ARHGEF10: variants seen among roughly 807,000 people sequenced by gnomAD.
ARHGEF10 encodes Rho guanine nucleotide exchange factor 10.
A neutral mutation model predicts 147.4 loss-of-function variants in ARHGEF10; 140 were observed. That is an observed-to-expected ratio of 0.95 (90% CI 0.83 to 1.09). ARHGEF10 has a LOEUF of 1.09. Ranked by LOEUF, ARHGEF10 falls within the 50% of genes least tolerant of loss-of-function variation. The pLI, the probability that ARHGEF10 is intolerant of heterozygous loss-of-function variation, is 0.00. For missense variants in ARHGEF10, 2,222 were observed against 1,752.7 expected, an observed-to-expected ratio of 1.27 and a Z score of -4.78; for synonymous variants, 902 against 695.8, an observed-to-expected ratio of 1.30 and a Z score of -4.67.
intron 9 of ARHGEF10, among the ~76,000 whole-genome samples, chr8:1,881,769 C>G (rs1808218726): frequency 6.6e-6 from 1 of 152,240 alleles, no homozygotes; most frequent in Admixed American, 6.5e-5. Context: ...CCCTGCTCCT[C>G]ACGCGGTGGT....
intron 6 of ARHGEF10, among the ~76,000 whole-genome samples, chr8:1,868,550 G>C (rs1585324651): frequency 1.3e-5 from 2 of 152,194 alleles, no homozygotes; most frequent in Admixed American, 6.5e-5. Context: ...TACAGAACTT[G>C]CCTTCTTTTT....
At chr8:1,920,627 C>G (rs1229227947) in intron 18 of ARHGEF10, among the ~76,000 whole-genome samples, 1 of 152,118 alleles carries the variant, frequency 6.6e-6, no homozygotes, top group Non-Finnish European at 1.5e-5. Context: ...CACAACCAGC[C>G]TATACTTGTG....
chr8:1,887,754 C>T (rs1046189241), intron 11 of ARHGEF10, among the ~76,000 whole-genome samples: 1 of 120,662 alleles, frequency 8.3e-6, no homozygotes, highest in African/African-American at 3.0e-5. Flanking sequence ...TTTGAGGAGA[C>T]ACGGAGTGGG....
At chr8:1,920,120 TG>T (rs1441463812) in intron 18 of ARHGEF10, among the ~76,000 whole-genome samples, 8 of 150,570 alleles carry the variant, frequency 5.3e-5, no homozygotes, top group Non-Finnish European at 7.4e-5. Context: ...CTGTGGGTGA[TG>T]GAGCTGTTCT....
At chr8:1,863,489 G>A (rs769414546) in intron 4 of ARHGEF10, among the ~76,000 whole-genome samples, 1 of 152,246 alleles carries the variant, frequency 6.6e-6, no homozygotes, top group Non-Finnish European at 1.5e-5. Context: ...ATGGACAGCT[G>A]CCAGTGTGGC....
At position 1,928,463 on chromosome 8, in the gene ARHGEF10, A is replaced by G. The variant is rs765856260; in HGVS notation, c.2734A>G (p.Ile912Val). The G allele has an allele frequency of 5.6e-6, 9 of 1,613,916 alleles. No individual in the cohort carries two copies. The highest frequency in any genetic ancestry group is 2.2e-5 in the East Asian group (1 of 44,880). ...SCTHQMGQIAIVSFQNSTPKV... is the reference protein window; with the variant it reads ...SCTHQMGQIAVVSFQNSTPKV... ...CACCCATCAAATGGGTCAGATTGCCATCGTCTCGTTTCAAAATTCCACTCC... is the reference window on the plus strand; with the variant it reads ...CACCCATCAAATGGGTCAGATTGCCGTCGTCTCGTTTCAAAATTCCACTCC... Residue 912 changes from isoleucine to valine, a missense_variant, in exon 24 of 29, where the codon ATC (isoleucine) becomes GTC (valine). Coordinates refer to ENST00000349830, the MANE Select transcript of ARHGEF10 (RefSeq NM_014629.4).
intron 7 of ARHGEF10, among the ~76,000 whole-genome samples, chr8:1,875,025 G>C (rs1414559873): frequency 3.0e-5 from 1 of 32,934 alleles, no homozygotes; most frequent in African/African-American, 1.1e-4. Flanking sequence ...GGCGTGTAGG[G>C]GGTAGAGGTT....
chr8:1,893,569 G>A lies in ARHGEF10; in HGVS notation c.1183G>A (p.Val395Ile), dbSNP rs1194867134. ...CATTGTACTTCCAAATTTCCAACAG[G>A]TTGTAAGAAGATATATACTGGGTTC... The part of the protein sequence containing the change: ...PMPEGLSQQQ[V>I]VRRYILGSVV... Residue 395 changes from valine to isoleucine, a missense_variant and splice_region_variant, in exon 12 of 29, where the codon GTT (valine) becomes ATT (isoleucine). Transcript: ENST00000349830. 6.2e-7 allele frequency: 1 copy of A among 1,611,358 alleles called. No individual in the cohort carries two copies. The highest frequency in any genetic ancestry group is 1.1e-5 in the South Asian group (1 of 91,018).
chr8:1,914,406 C>G (rs1279634569), intron 18 of ARHGEF10, among the ~76,000 whole-genome samples: 1 of 152,232 alleles, frequency 6.6e-6, no homozygotes, highest in Admixed American at 6.5e-5. Context: ...GGGTTAGCCC[C>G]GATTTCTCTC....
chr8:1,909,975 G>A (rs1267185573), intron 18 of ARHGEF10, among the ~76,000 whole-genome samples: 2 of 152,180 alleles, frequency 1.3e-5, no homozygotes, highest in Non-Finnish European at 2.9e-5. Context: ...AAGGAGAGGA[G>A]TCAGAATGCT....
intron 7 of ARHGEF10, among the ~76,000 whole-genome samples, chr8:1,873,063 G>T (rs149352436): frequency 1.3e-5 from 2 of 152,184 alleles, no homozygotes; most frequent in Admixed American, 6.5e-5. Context: ...TCCAGCCGTC[G>T]GCCCCCTGCC....
At chr8:1,935,213 C>A (rs1186122028) in intron 26 of ARHGEF10, among the ~76,000 whole-genome samples, 2 of 151,960 alleles carry the variant, frequency 1.3e-5, no homozygotes, top group Non-Finnish European at 2.9e-5. Flanking sequence ...ACACGCACAC[C>A]CCCCACAACC....
chr8:1,842,697 T>G (rs1165444324), intron 1 of ARHGEF10, among the ~76,000 whole-genome samples: 1 of 152,336 alleles, frequency 6.6e-6, no homozygotes, highest in Non-Finnish European at 1.5e-5. Context: ...GCCAGGCCCG[T>G]GTTTTGTGGT....
At position 1,957,275 on chromosome 8, in the gene ARHGEF10, G is replaced by A. The variant is rs188125343; in HGVS notation, c.*12G>A. The A allele has an allele frequency of 3.2e-4, 518 of 1,602,934 alleles. 2 individuals are homozygous for A. The highest frequency in any genetic ancestry group is 6.7e-4 in the East Asian group (30 of 44,548). ...TGCTGAATATATAAGCAGGACGGCC[G>A]CCTTCTGCTGTCAGAATTTGCAATC... On this transcript the variant is annotated 3_prime_UTR_variant, in exon 29 of 29. Coordinates refer to ENST00000349830, the MANE Select transcript of ARHGEF10 (RefSeq NM_014629.4).
Position 1,823,998 on chromosome 8 carries a change from A to G in ARHGEF10, c.-163A>G, listed in dbSNP as rs1295002621. The G allele has an allele frequency of 2.2e-5, 2 of 92,108 alleles. No individual in the cohort carries two copies. The highest frequency in any genetic ancestry group is 4.8e-5 in the African/African-American group (1 of 20,668). 5.7% of individuals were successfully genotyped at this position (92,108 alleles called of 1,614,324 possible). On this transcript the variant is annotated 5_prime_UTR_variant, in exon 1 of 29. Coordinates refer to ENST00000349830, the MANE Select transcript of ARHGEF10 (RefSeq NM_014629.4). The stretch of plus-strand genomic sequence containing the variant: ...GACGGGGTCGCGGGGGACGCGGGGG[A>G]CGCGGGGGACGGCGGGGAACGGCGG...
chr8:1,951,131 A>G (rs1440574188), intron 27 of ARHGEF10, among the ~76,000 whole-genome samples: 5 of 152,152 alleles, frequency 3.3e-5, no homozygotes, highest in Non-Finnish European at 7.3e-5. Flanking sequence ...TCATAAGACA[A>G]TCATGTTTCA....
At chr8:1,928,708 G>C (rs1585573949) in intron 24 of ARHGEF10, 58 bp downstream of exon 24, 1 of 1,581,910 alleles carries the variant, frequency 6.3e-7, no homozygotes, top group African/African-American at 1.3e-5. Flanking sequence ...GGAGGGCGTG[G>C]TGGGGAGCCT....
chr8:1,888,119 TG>T, intron 11 of ARHGEF10, among the ~76,000 whole-genome samples: 1 of 83,076 alleles, frequency 1.2e-5, no homozygotes, highest in African/African-American at 1.1e-4. Context: ...AGACACTTAG[TG>T]GGGTGAGGGT....
intron 25 of ARHGEF10, among the ~76,000 whole-genome samples, chr8:1,932,063 G>T (rs893227748): frequency 6.6e-6 from 1 of 152,176 alleles, no homozygotes; most frequent in Non-Finnish European, 1.5e-5. Context: ...CACAGTGGGC[G>T]GTGCATAGAG....
Sources: allele counts gnomAD v4.1 joint callset (sites outside exome capture counted in the v4.1 genomes callset), GRCh38; gene constraint gnomAD v4.1.1; transcripts MANE v1.5; gene names NCBI Gene and HGNC (gene_info 2026-07-23, HGNC 2026-07-21).